Variants in ADAMTSL1 observed in about 807,000 individuals in gnomAD.
ADAMTSL1 encodes the protein ADAMTS-like protein 1.
ADAMTSL1 carries 126 observed loss-of-function variants against 201.8 expected under a neutral mutation model. The observed-to-expected ratio is 0.62, with a 90% CI of 0.54 to 0.72. The LOEUF is 0.72. Ranked by LOEUF, ADAMTSL1 falls within the 30% of genes least tolerant of loss-of-function variation. ADAMTSL1 has a pLI of 0.00. For missense variants in ADAMTSL1, 2,679 were observed against 2,277.8 expected, an observed-to-expected ratio of 1.18 and a Z score of -3.59; for synonymous variants, 1,121 against 903.4, an observed-to-expected ratio of 1.24 and a Z score of -4.32.
chr9:18,002,654 C>T (rs1349950246), intron 1 of ADAMTSL1, among the ~76,000 whole-genome samples: 1 of 151,920 alleles, frequency 6.6e-6, no homozygotes, highest in Non-Finnish European at 1.5e-5. Flanking sequence ...TAATGTCAAT[C>T]TTATAGGGTA....
chr9:18,831,789 T>C (rs1218047155), intron 23 of ADAMTSL1, among the ~76,000 whole-genome samples: 1 of 152,178 alleles, frequency 6.6e-6, no homozygotes, highest in Admixed American at 6.5e-5. Context: ...ATGGTGAATG[T>C]CAGTGTCACG....
At chr9:18,588,884 CATATAT>C (rs754566534) in intron 4 of ADAMTSL1, among the ~76,000 whole-genome samples, 9 of 122,856 alleles carry the variant, frequency 7.3e-5, no homozygotes, top group Admixed American at 4.1e-4. Context: ...TATACATATA[CATATAT>C]ATATATATAT....
intron 2 of ADAMTSL1, among the ~76,000 whole-genome samples, chr9:18,251,993 A>C (rs984853117): frequency 9.9e-5 from 15 of 152,252 alleles, no homozygotes; most frequent in Admixed American, 8.5e-4. Context: ...AAAGATATAA[A>C]TATAAAATAT....
chr9:18,372,823 A>G (rs1165263386), intron 2 of ADAMTSL1, among the ~76,000 whole-genome samples: 1 of 152,322 alleles, frequency 6.6e-6, no homozygotes, highest in East Asian at 1.9e-4. Flanking sequence ...CCAGATTGAA[A>G]TATGGGACAA....
intron 2 of ADAMTSL1, among the ~76,000 whole-genome samples, chr9:18,526,263 A>C (rs1323105167): frequency 6.6e-6 from 1 of 152,066 alleles, no homozygotes; most frequent in African/African-American, 2.4e-5. Flanking sequence ...TAGGATTGCA[A>C]CCCCTGCCTT....
At chr9:18,061,806 G>T (rs541374378) in intron 1 of ADAMTSL1, among the ~76,000 whole-genome samples, 22 of 152,102 alleles carry the variant, frequency 1.4e-4, no homozygotes, top group Non-Finnish European at 2.6e-4. Context: ...GTTTAGTTTA[G>T]TCCATGCAAT....
intron 2 of ADAMTSL1, among the ~76,000 whole-genome samples, chr9:18,444,654 T>C (rs899486443): frequency 6.6e-6 from 1 of 152,136 alleles, no homozygotes; most frequent in Non-Finnish European, 1.5e-5. Context: ...GGTTTATGTC[T>C]TTTGCTTTAC....
intron 7 of ADAMTSL1, among the ~76,000 whole-genome samples, chr9:18,655,049 G>A (rs1828543297): frequency 6.6e-6 from 1 of 152,226 alleles, no homozygotes; most frequent in African/African-American, 2.4e-5. Flanking sequence ...CCCATCTGAG[G>A]CACAGCTTCT....
intron 2 of ADAMTSL1, among the ~76,000 whole-genome samples, chr9:18,405,515 C>T (rs2133285318): frequency 6.6e-6 from 1 of 152,036 alleles, no homozygotes; most frequent in East Asian, 1.9e-4. Context: ...AATGCAGATT[C>T]CAATCAGGCC....
chr9:18,205,338 A>G (rs1301232176), intron 2 of ADAMTSL1, among the ~76,000 whole-genome samples: 1 of 152,228 alleles, frequency 6.6e-6, no homozygotes, highest in Non-Finnish European at 1.5e-5. Flanking sequence ...AAATGAAAAT[A>G]CACAATAACA....
intron 4 of ADAMTSL1, among the ~76,000 whole-genome samples, chr9:18,594,405 G>T (rs1479291291): frequency 6.6e-6 from 1 of 151,830 alleles, no homozygotes; most frequent in Non-Finnish European, 1.5e-5. Context: ...CTACTTTTTT[G>T]AATATTGTCT....
At chr9:18,335,502 A>T (rs538038474) in intron 2 of ADAMTSL1, among the ~76,000 whole-genome samples, 1 of 152,196 alleles carries the variant, frequency 6.6e-6, no homozygotes, top group South Asian at 2.1e-4. Flanking sequence ...TCTCTACAGA[A>T]GTATTGTGTG....
chr9:18,322,398 C>A (rs529631345), intron 2 of ADAMTSL1, among the ~76,000 whole-genome samples: 1 of 152,076 alleles, frequency 6.6e-6, no homozygotes, highest in Admixed American at 6.6e-5. Context: ...TTTGGGAGGC[C>A]GAGGTGGGTG....
chr9:18,406,423 G>C (rs1818210595), intron 2 of ADAMTSL1, among the ~76,000 whole-genome samples: 1 of 151,382 alleles, frequency 6.6e-6, no homozygotes, highest in Non-Finnish European at 1.5e-5. Context: ...CCGCCTCCTG[G>C]GTTCAAGCGA....
Position 18,495,018 on chromosome 9 carries a change from G to T in ADAMTSL1, c.64-9811G>T, listed in dbSNP as rs1822462584. ...TGGGAAGTCAATTGCAAAGTGCCAG[G>T]CATGAATGGTAGTACCAGAATTAAG... is the stretch of plus-strand genomic sequence containing the variant. On this transcript the variant is annotated intron_variant, in intron 1 of 28. Coordinates refer to ENST00000380548, the MANE Select transcript of ADAMTSL1 (RefSeq NM_001040272.6). Among the ~76,000 whole-genome samples the T allele has an allele frequency of 2.0e-5, 3 of 152,188 alleles. No individual in the cohort carries two copies. The South Asian group carries it at 6.2e-4, about 32-fold the overall frequency.
chr9:18,899,315 G>A, intron 26 of ADAMTSL1, among the ~76,000 whole-genome samples: 1 of 152,074 alleles, frequency 6.6e-6, no homozygotes, highest in Non-Finnish European at 1.5e-5. Context: ...AACAAATGGA[G>A]AAACATTTCA....
chr9:18,807,653 A>AAAAC (rs1225688711), intron 20 of ADAMTSL1, among the ~76,000 whole-genome samples: 12 of 145,648 alleles, frequency 8.2e-5, no homozygotes, highest in African/African-American at 2.9e-4. Context: ...CTCAAAAAAA[A>AAAAC]AAAAACAAAA....
intron 15 of ADAMTSL1, among the ~76,000 whole-genome samples, chr9:18,751,075 A>G (rs1157271644): frequency 6.6e-6 from 1 of 152,212 alleles, no homozygotes; most frequent in Non-Finnish European, 1.5e-5. Context: ...TGAGCCACTA[A>G]GTCTAGCCCA....
chr9:18,790,450 A>G (rs16937078), intron 19 of ADAMTSL1, among the ~76,000 whole-genome samples: 21,621 of 152,150 alleles, frequency 0.14, 2,298 homozygotes, highest in East Asian at 0.32. Flanking sequence ...CATGATGCCA[A>G]CCTACTCACA....
Sources: allele counts gnomAD v4.1 joint callset (sites outside exome capture counted in the v4.1 genomes callset), GRCh38; gene constraint gnomAD v4.1.1; transcripts MANE v1.5; gene names NCBI Gene and HGNC (gene_info 2026-07-23, HGNC 2026-07-21).